The following FGF12 variants were observed in gnomAD, a reference collection of about 807,000 sequenced individuals.
FGF12 encodes the protein fibroblast growth factor 12, also known as fibroblast growth factor 12B.
In FGF12, 14 loss-of-function variants were observed where a neutral mutation model predicts 23.6. The ratio of observed to expected loss-of-function variants is 0.59; its 90% CI spans 0.39 to 0.93. The LOEUF (loss-of-function observed/expected upper bound fraction) is 0.93, where lower values mean the gene tolerates loss of function less well. Ranked by LOEUF, FGF12 falls within the 40% of genes least tolerant of loss-of-function variation. The pLI, the probability that FGF12 is intolerant of heterozygous loss-of-function variation, is 0.00. For missense variants in FGF12, 175 were observed against 217.8 expected (o/e 0.80, Z 1.24); for synonymous variants, 62 against 77.3 (o/e 0.80, Z 1.04).
Position 192,167,763 on chromosome 3 carries a change from ATATATAAAAT to A in FGF12, c.427+2685_427+2694del, listed in dbSNP as rs1446259904. 3.1e-4 allele frequency among the ~76,000 whole-genome samples: 10 copies of A among 32,186 alleles called. 1 individual carries two copies. Among genetic ancestry groups the A allele is most frequent in the African/African-American group, 1.1e-3 (9 of 7,908 alleles). 21.1% of individuals were successfully genotyped at this position (32,186 alleles called of 152,430 possible). The stretch of plus-strand genomic sequence containing the variant: ...TATATATATATATATATATATATAT[ATATATAAAAT>A]TTTTTTTTTTTTTTTTTTTTGAGAA... On this transcript the variant is annotated intron_variant, in intron 5 of 5. Transcript: ENST00000445105.
chr3:192,422,071 T>C (rs1016038164), intron 2 of FGF12, among the ~76,000 whole-genome samples: 5 of 151,972 alleles, frequency 3.3e-5, no homozygotes, highest in Admixed American at 2.0e-4. Context: ...TTTTTTCCTG[T>C]GTACAATTTC....
At chr3:192,412,279 G>A (rs1251626402) in intron 2 of FGF12, among the ~76,000 whole-genome samples, 1 of 152,160 alleles carries the variant, frequency 6.6e-6, no homozygotes, top group African/African-American at 2.4e-5. Context: ...TTTTCTGTAG[G>A]TTTATGAGAT....
chr3:192,398,974 A>G (rs909115231), intron 2 of FGF12, among the ~76,000 whole-genome samples: 2 of 152,194 alleles, frequency 1.3e-5, no homozygotes, highest in African/African-American at 4.8e-5. Flanking sequence ...CACAGGCAGT[A>G]TACTAAGTTC....
At chr3:192,720,965 G>A (rs1719021548) in intron 2 of FGF12, among the ~76,000 whole-genome samples, 1 of 152,198 alleles carries the variant, frequency 6.6e-6, no homozygotes, top group South Asian at 2.1e-4. Flanking sequence ...CATCCAAGGT[G>A]TAATACTTGA....
chr3:192,512,835 A>AATAAATAAATAAATAAAT, intron 2 of FGF12, among the ~76,000 whole-genome samples: 1 of 76,766 alleles, frequency 1.3e-5, no homozygotes, highest in African/African-American at 6.4e-5. Flanking sequence ...TACTCAAATA[A>AATAAATAAATAAATAAAT]ATATATATAT....
At chr3:192,428,910 G>A (rs9822649) in intron 2 of FGF12, among the ~76,000 whole-genome samples, 3,419 of 151,946 alleles carry the variant, frequency 0.023, 133 homozygotes, top group African/African-American at 0.078. Context: ...CTCCATTGCC[G>A]TCTTTTCCTT....
At chr3:192,480,849 C>A (rs1307889193) in intron 2 of FGF12, among the ~76,000 whole-genome samples, 8 of 152,178 alleles carry the variant, frequency 5.3e-5, no homozygotes, top group African/African-American at 1.9e-4. Flanking sequence ...ACTGCATTAT[C>A]TTGTGACATT....
chr3:192,201,218 CTTGA>C (rs531541985), intron 4 of FGF12, among the ~76,000 whole-genome samples: 326 of 152,264 alleles, frequency 2.1e-3, no homozygotes, highest in Non-Finnish European at 3.7e-3. Flanking sequence ...CCTCTGCTTT[CTTGA>C]TTGATCTCTT....
In FGF12 at chr3:192,231,162, C is replaced by T. The variant is rs375734856; in HGVS notation, c.229-60506G>A. 7.2e-5 allele frequency among the ~76,000 whole-genome samples: 11 copies of T among 152,046 alleles called. No individual in the cohort carries two copies. The East Asian group carries it at 7.7e-4, about 11-fold the overall frequency. On this transcript the variant is annotated intron_variant, in intron 4 of 5. Coordinates refer to ENST00000445105, the MANE Select transcript of FGF12 (RefSeq NM_004113.6). ...CTTGGAAATATCTCTGACAGAGTTC[C>T]GAATTCTTCTCTGTATTTTAAATAT...
intron 2 of FGF12, among the ~76,000 whole-genome samples, chr3:192,689,343 C>T (rs575342012): frequency 6.6e-6 from 1 of 152,152 alleles, no homozygotes; most frequent in Non-Finnish European, 1.5e-5. Flanking sequence ...GTATCACATG[C>T]ACCTCATGAA....
intron 2 of FGF12, among the ~76,000 whole-genome samples, chr3:192,631,334 A>T (rs1457236634): frequency 6.6e-6 from 1 of 152,204 alleles, no homozygotes; most frequent in African/African-American, 2.4e-5. Flanking sequence ...CTCCTCTAGC[A>T]TCCATCACGA....
chr3:192,309,804 G>T (rs2108670326), intron 4 of FGF12, among the ~76,000 whole-genome samples: 1 of 152,292 alleles, frequency 6.6e-6, no homozygotes, highest in Admixed American at 6.5e-5. Flanking sequence ...TGAAGCCAGA[G>T]AATTATGCTG....
intron 4 of FGF12, among the ~76,000 whole-genome samples, chr3:192,315,250 AT>A (rs2108676792): frequency 6.6e-6 from 1 of 152,220 alleles, no homozygotes; most frequent in South Asian, 2.1e-4. Flanking sequence ...GGTGTTTAAA[AT>A]TTGTTTCGTC....
intron 2 of FGF12, among the ~76,000 whole-genome samples, chr3:192,499,861 A>G (rs2108832146): frequency 6.6e-6 from 1 of 152,074 alleles, no homozygotes. Context: ...TAGGATCCAA[A>G]TATTAAGATT....
At chr3:192,693,014 C>T (rs1717996089) in intron 2 of FGF12, among the ~76,000 whole-genome samples, 1 of 151,810 alleles carries the variant, frequency 6.6e-6, no homozygotes, top group African/African-American at 2.4e-5. Context: ...ATAAACTATC[C>T]TATTTGCAGG....
intron 2 of FGF12, among the ~76,000 whole-genome samples, chr3:192,478,519 A>G (rs1034391784): frequency 8.5e-5 from 13 of 152,202 alleles, no homozygotes; most frequent in Admixed American, 8.5e-4. Context: ...ATACAAATGT[A>G]TAATTTTTGT....
At chr3:192,376,672 C>T (rs1256764662) in intron 2 of FGF12, among the ~76,000 whole-genome samples, 2 of 152,186 alleles carry the variant, frequency 1.3e-5, no homozygotes, top group Admixed American at 1.3e-4. Context: ...GCTATATAAT[C>T]ATTTTCTTCA....
chr3:192,450,338 A>G lies in FGF12; in HGVS notation c.14-89800T>C, dbSNP rs144103584. ...GTACCAAACCAGGACTACCCATTAC[A>G]CAGAAATAGGTCTGCAGATCCTTTT... is the stretch of plus-strand genomic sequence containing the variant. On this transcript the variant is annotated intron_variant, in intron 2 of 5. Transcript: ENST00000445105. 1.6e-3 allele frequency among the ~76,000 whole-genome samples: 244 copies of G among 152,320 alleles called. 1 individual carries two copies. The highest frequency in any genetic ancestry group is 5.5e-3 in the African/African-American group (227 of 41,572).
intron 5 of FGF12, among the ~76,000 whole-genome samples, chr3:192,154,630 G>C (rs1231375353): frequency 6.7e-6 from 1 of 150,094 alleles, no homozygotes; most frequent in Non-Finnish European, 1.5e-5. Context: ...CTGCTCGGGG[G>C]TCAGGGGTCA....
Sources: allele counts gnomAD v4.1 joint callset (sites outside exome capture counted in the v4.1 genomes callset), GRCh38; gene constraint gnomAD v4.1.1; transcripts MANE v1.5; gene names NCBI Gene and HGNC (gene_info 2026-07-23, HGNC 2026-07-21).